TOGARAM2: variants seen among roughly 807,000 people sequenced by gnomAD.
TOGARAM2 encodes the protein TOG array regulator of axonemal microtubules protein 2.
Under a neutral mutation model 93.3 loss-of-function variants are expected in TOGARAM2, and 85 were observed. The ratio of observed to expected loss-of-function variants is 0.91; its 90% CI spans 0.76 to 1.09. TOGARAM2 has a LOEUF of 1.09. Among genes scored for constraint, TOGARAM2 ranks in the 50% least tolerant of loss-of-function variants. TOGARAM2 has a pLI of 0.00. For synonymous variants in TOGARAM2, 593 were observed against 552.8 expected (o/e 1.07, Z -1.02); for missense variants, 1,277 against 1,334.5 (o/e 0.96, Z 0.67).
chr2:29,041,522 G>A (rs978990538), intron 18 of TOGARAM2, among the ~76,000 whole-genome samples: 2 of 152,170 alleles, frequency 1.3e-5, no homozygotes, highest in East Asian at 1.9e-4. Flanking sequence ...CAGTTTCCTT[G>A]CTACCATGTT....
Position 29,035,650 on chromosome 2 carries a change from G to C in TOGARAM2, c.2412G>C (p.Leu804=), listed in dbSNP as rs541475421. 4.7e-6 allele frequency: 7 copies of C among 1,476,912 alleles called. No individual in the cohort carries two copies. Among genetic ancestry groups the C allele is most frequent in the African/African-American group, 1.4e-5 (1 of 71,412 alleles). 91.5% of individuals were successfully genotyped at this position (1,476,912 alleles called of 1,614,324 possible). ...KAKTELVTAH[L]VQVFDAFTPR... ...AGACGGAGCTTGTCACTGCCCACCT[G>C]GTCCAGGTGAGCACCGCTTGCTTTT... The change falls in exon 17 of 20, where the codon CTG becomes CTC. Residue 804 remains leucine (L), a synonymous_variant. Transcript: ENST00000379558.
intron 14 of TOGARAM2, among the ~76,000 whole-genome samples, 151 bp downstream of exon 14, chr2:29,027,162 C>T (rs935823492): frequency 2.6e-5 from 4 of 152,206 alleles, no homozygotes; most frequent in Non-Finnish European, 4.4e-5. Context: ...GCTCTTGTCC[C>T]ATCCCTTCCA....
In TOGARAM2 at chr2:29,051,942, A is replaced by G; in HGVS notation, c.2909A>G (p.Asp970Gly). 6.2e-7 allele frequency: 1 copy of G among 1,606,858 alleles called. No homozygotes were observed. Among genetic ancestry groups the G allele is most frequent in the Middle Eastern group, 1.7e-4 (1 of 6,052 alleles). Residue 970 changes from aspartate to glycine, a missense_variant, in exon 20 of 20, where the codon GAC becomes GGC. By Grantham distance (94) the Asp-to-Gly change is moderately conservative. Coordinates refer to ENST00000379558, the MANE Select transcript of TOGARAM2 (RefSeq NM_199280.4). ...LQEHMGSRLL[D>G]FAASQPKHVL... ...GAGCACATGGGCTCCCGCCTGCTGG[A>G]CTTTGCCGCCAGCCAGCCAAAGCAC...
chr2:29,023,125 G>A lies in TOGARAM2; in HGVS notation c.1551G>A (p.Leu517=). Residue 517 remains leucine (L), a synonymous_variant, in exon 12 of 20, where the codon TTG becomes TTA. Transcript: ENST00000379558. ...AGGGTCTGGTGAGCATCCAGCGCTT[G>A]GCAGCCTGTCACTCAGAGGTCCTCA... ...KEKGLVSIQR[L]AACHSEVLTG... is the part of the protein sequence containing the mutation. 2 of 1,602,254 alleles carry A rather than the reference G, an allele frequency of 1.2e-6. No individual in the cohort carries two copies. The highest frequency in any genetic ancestry group is 2.3e-5 in the South Asian group (2 of 88,398).
chr2:28,984,697 C>G (rs925657376), intron 1 of TOGARAM2, among the ~76,000 whole-genome samples: 5 of 152,210 alleles, frequency 3.3e-5, no homozygotes, highest in Admixed American at 6.5e-5. Flanking sequence ...TGATCAAGTG[C>G]TAGGATAACT....
upstream of TOGARAM2, among the ~76,000 whole-genome samples, chr2:28,980,193 A>G (rs926944916): frequency 6.6e-6 from 1 of 152,110 alleles, no homozygotes; most frequent in Non-Finnish European, 1.5e-5. Context: ...CACCTGCCCC[A>G]GAGGGACCTT....
rs186554857 is a variant in TOGARAM2 at position 29,045,229 on chromosome 2, C to T, written c.2636-95C>T. ...TTCAGCTCCCCCAAAGGCCTCATCCCCTTGCAGGTACTGTGGGTATGTGGC... is the reference window on the plus strand; with the variant it reads ...TTCAGCTCCCCCAAAGGCCTCATCCTCTTGCAGGTACTGTGGGTATGTGGC... On this transcript the variant is annotated intron_variant, in intron 18 of 19. Transcript: ENST00000379558. 375 of 937,338 alleles carry T rather than the reference C, an allele frequency of 4.0e-4. No individual in the cohort carries two copies. In the African/African-American group the frequency reaches 4.9e-3, roughly 12 times the overall value. 58.1% of individuals were successfully genotyped at this position (937,338 alleles called of 1,614,324 possible). A position where few individuals can be genotyped will look rare whatever the true frequency, so the allele number is the denominator to read the frequency against.
chr2:29,048,117 A>G (rs1247672798), intron 19 of TOGARAM2: 1 of 152,156 alleles, frequency 6.6e-6, no homozygotes, highest in Non-Finnish European at 1.5e-5. Context: ...CTCATCTTAC[A>G]TGGTGGCAAG....
Position 29,045,402 on chromosome 2 carries a change from G to A in TOGARAM2, c.2714G>A (p.Arg905His), listed in dbSNP as rs1384468325. Residue 905 changes from arginine (R) to histidine (H), a missense_variant, in exon 19 of 20, where the codon CGC (arginine) becomes CAC (histidine). Physicochemically the swap from Arg to His is conservative, Grantham distance 29. Transcript: ENST00000379558. ...SGRAVLDVTD[R>H]LAVLVASVYP... ...CGTGCGGTGCTGGATGTCACAGATC[G>A]CCTGGCAGGTGAGCACCCCCAGCCC... 2.5e-6 allele frequency: 4 copies of A among 1,612,980 alleles called. No homozygotes were observed. The highest frequency in any genetic ancestry group is 2.2e-5 in the East Asian group (1 of 44,886).
At position 29,023,043 on chromosome 2, in the gene TOGARAM2, C is replaced by G. The variant is rs1212161075; in HGVS notation, c.1512-43C>G. 7.9e-6 allele frequency: 12 copies of G among 1,527,530 alleles called. No homozygotes were observed. The Admixed American group carries it at 2.2e-4, about 27-fold the overall frequency. The allele number at this position is 1,527,530 out of a possible 1,614,324, so 94.6% of individuals were successfully genotyped here. On this transcript the variant is annotated intron_variant, in intron 11 of 19. Transcript: ENST00000379558. The stretch of plus-strand genomic sequence containing the variant: ...TAGTCTGCAGAGGGGTGGGGCTCCT[C>G]CCTCTCCACCCTTCTGCAACAGGGC...
At chr2:29,024,012 G>A (rs987917079) in intron 12 of TOGARAM2, 127 bp from the exon 13 acceptor site, 17 of 724,634 alleles carry the variant, frequency 2.3e-5, no homozygotes, top group Middle Eastern at 3.8e-4. Context: ...TGTTTCCAGC[G>A]TGGCAAGGCC....
chr2:29,026,594 G>T (rs780097316), intron 13 of TOGARAM2, among the ~76,000 whole-genome samples: 14 of 152,194 alleles, frequency 9.2e-5, no homozygotes, highest in Non-Finnish European at 1.6e-4. Flanking sequence ...CCCAAGAACG[G>T]TATGCATACG....
chr2:29,018,315 G>C (rs573923549), intron 10 of TOGARAM2: 9 of 216,392 alleles, frequency 4.2e-5, no homozygotes, highest in Non-Finnish European at 8.2e-5. Flanking sequence ...GGAAGACCTC[G>C]GTTTCTTTCC....
In TOGARAM2 at chr2:28,982,568, A is replaced by G. The variant is rs1672248775; in HGVS notation, c.-111+1030A>G. The stretch of plus-strand genomic sequence containing the variant: ...CCCAGGACTGGCTCAGTTTCAGCCC[A>G]TGGAGCCTGAGACTAACAGATTTGA... On this transcript the variant is annotated intron_variant, in intron 1 of 19. Transcript: ENST00000379558. 2.6e-5 allele frequency among the ~76,000 whole-genome samples: 4 copies of G among 152,024 alleles called. No individual in the cohort carries two copies. In the South Asian group the frequency reaches 8.3e-4, roughly 31 times the overall value.
At chr2:29,016,921 C>T (rs892902219) in intron 8 of TOGARAM2, among the ~76,000 whole-genome samples, 9 of 152,204 alleles carry the variant, frequency 5.9e-5, no homozygotes, top group African/African-American at 2.2e-4. Context: ...AGGCTAAAAG[C>T]CACTATCATC....
At chr2:29,005,706 T>C (rs1663700156) in intron 6 of TOGARAM2, among the ~76,000 whole-genome samples, 1 of 117,292 alleles carries the variant, frequency 8.5e-6, no homozygotes, top group African/African-American at 3.0e-5. Context: ...AGTGCGTGCA[T>C]GTGTGAGTGC....
At chr2:28,983,159 T>C (rs991320791) in intron 1 of TOGARAM2, among the ~76,000 whole-genome samples, 3 of 140,364 alleles carry the variant, frequency 2.1e-5, no homozygotes, top group South Asian at 4.4e-4. Flanking sequence ...GGCTAATCTT[T>C]GTGTGTGTGT....
chr2:29,003,499 TCTC>T lies in TOGARAM2; in HGVS notation c.650_652del (p.Ser217del), dbSNP rs748270068. 12 of 1,536,160 alleles carry T rather than the reference TCTC, an allele frequency of 7.8e-6. No homozygotes were observed. The highest frequency in any genetic ancestry group is 1.1e-5 in the Non-Finnish European group (12 of 1,141,570). The stretch of plus-strand genomic sequence containing the variant: ...TCCCGCCTCTGCTCCCAGGCGCAGA[TCTC>T]CTGGCAATACCTGCACTGCAATGAT... On this transcript the variant is annotated inframe_deletion, in exon 6 of 20. Coordinates refer to ENST00000379558, the MANE Select transcript of TOGARAM2 (RefSeq NM_199280.4).
intron 18 of TOGARAM2, among the ~76,000 whole-genome samples, chr2:29,045,073 A>G (rs1264185132): frequency 6.6e-6 from 1 of 152,166 alleles, no homozygotes. Context: ...CACAGGCAAT[A>G]TGAACCAGAT....
Sources: gnomAD v4.1 joint callset for allele counts (sites outside exome capture counted in the v4.1 genomes callset) on GRCh38, gnomAD v4.1.1 for gene constraint, MANE v1.5 for transcripts, NCBI Gene and HGNC (gene_info 2026-07-23, HGNC 2026-07-21) for gene names.